Variants in MARCHF1 observed in about 807,000 individuals in gnomAD.
The protein encoded by MARCHF1 is membrane associated ring-CH-type finger 1, also known as E3 ubiquitin-protein ligase MARCHF1.
In MARCHF1, 40 loss-of-function variants were observed where a neutral mutation model predicts 54.2. The ratio of observed to expected loss-of-function variants is 0.74; its 90% CI spans 0.57 to 0.96. MARCHF1 has a LOEUF of 0.96. Among genes scored for constraint, MARCHF1 ranks in the 40% least tolerant of loss-of-function variants. The pLI is 0.00. For missense variants in MARCHF1, 586 were observed against 656.5 expected, an observed-to-expected ratio of 0.89 and a Z score of 1.17; for synonymous variants, 236 against 236.3, an observed-to-expected ratio of 1.00 and a Z score of 0.01.
intron 2 of MARCHF1, among the ~76,000 whole-genome samples, chr4:164,073,170 T>A (rs1054856842): frequency 6.6e-6 from 1 of 152,204 alleles, no homozygotes; most frequent in African/African-American, 2.4e-5. Flanking sequence ...GCTGAGTTGA[T>A]GAACAGGCAG....
At chr4:164,040,527 GAT>G (rs1386361849) in intron 2 of MARCHF1, among the ~76,000 whole-genome samples, 4 of 150,214 alleles carry the variant, frequency 2.7e-5, no homozygotes, top group African/African-American at 9.7e-5. Context: ...AATTTAAAAA[GAT>G]AAAGTTTTTT....
intron 3 of MARCHF1, among the ~76,000 whole-genome samples, chr4:163,931,443 G>A (rs1264759024): frequency 6.6e-6 from 1 of 152,010 alleles, no homozygotes; most frequent in African/African-American, 2.4e-5. Flanking sequence ...CTGATGAATG[G>A]GATTAGTGCC....
At chr4:164,261,598 T>C (rs1337991628) in intron 1 of MARCHF1, among the ~76,000 whole-genome samples, 1 of 152,130 alleles carries the variant, frequency 6.6e-6, no homozygotes, top group Non-Finnish European at 1.5e-5. Flanking sequence ...TCCTTAATCA[T>C]CCTGAGGTTA....
intron 2 of MARCHF1, among the ~76,000 whole-genome samples, chr4:164,019,061 AC>A (rs1320504668): frequency 6.6e-6 from 1 of 152,180 alleles, no homozygotes; most frequent in Non-Finnish European, 1.5e-5. Context: ...AACATAGACT[AC>A]ATTTTGGTCT....
intron 1 of MARCHF1, among the ~76,000 whole-genome samples, chr4:164,179,062 G>C (rs970837079): frequency 2.0e-5 from 3 of 152,124 alleles, no homozygotes; most frequent in African/African-American, 7.2e-5. Flanking sequence ...TGTGGTTGTG[G>C]GATGAGACTA....
chr4:164,013,392 C>T (rs1052129846), intron 2 of MARCHF1, among the ~76,000 whole-genome samples: 10 of 151,740 alleles, frequency 6.6e-5, no homozygotes, highest in African/African-American at 2.4e-4. Flanking sequence ...TAAAGAATGC[C>T]TAAAAAAATC....
intron 8 of MARCHF1, among the ~76,000 whole-genome samples, chr4:163,545,947 A>ATGTGTGTGTGTG (rs70948653): frequency 1.2e-4 from 18 of 149,050 alleles, no homozygotes; most frequent in African/African-American, 3.5e-4. Flanking sequence ...TTAAATACAT[A>ATGTGTGTGTGTG]TGTGTGTGTG....
At chr4:163,969,067 G>A (rs1752499164) in intron 3 of MARCHF1, among the ~76,000 whole-genome samples, 1 of 152,166 alleles carries the variant, frequency 6.6e-6, no homozygotes, top group Non-Finnish European at 1.5e-5. Flanking sequence ...CAGATACACA[G>A]TAAGGTGAGT....
At chr4:164,315,663 TGAA>T (rs1734978048) in intron 1 of MARCHF1, among the ~76,000 whole-genome samples, 1 of 152,196 alleles carries the variant, frequency 6.6e-6, no homozygotes, top group African/African-American at 2.4e-5. Flanking sequence ...ATCAGAAAGC[TGAA>T]GGCTTCAGTC....
chr4:164,286,881 G>A (rs368572584), intron 1 of MARCHF1, among the ~76,000 whole-genome samples: 5 of 149,738 alleles, frequency 3.3e-5, no homozygotes, highest in East Asian at 2.0e-4. Flanking sequence ...TTTTGTGGGT[G>A]TGGGGAGCAA....
At chr4:164,278,361 C>T (rs866311955) in intron 1 of MARCHF1, among the ~76,000 whole-genome samples, 1 of 152,032 alleles carries the variant, frequency 6.6e-6, no homozygotes, top group African/African-American at 2.4e-5. Context: ...AGTATCCTGT[C>T]AAAGATAAGA....
chr4:164,240,269 T>C (rs1274520635), intron 1 of MARCHF1, among the ~76,000 whole-genome samples: 2 of 152,188 alleles, frequency 1.3e-5, no homozygotes, highest in Admixed American at 6.5e-5. Context: ...TAACAAACAA[T>C]CCATTAGAGG....
chr4:163,622,778 G>T (rs556977268), intron 5 of MARCHF1, among the ~76,000 whole-genome samples: 27 of 152,292 alleles, frequency 1.8e-4, no homozygotes, highest in African/African-American at 6.3e-4. Context: ...AATTTGGAAG[G>T]AACTGAACAT....
In MARCHF1 at chr4:164,166,405, C is replaced by A. The variant is rs138585158; in HGVS notation, c.-322-54743G>T. Among the ~76,000 whole-genome samples, 832 of 152,064 alleles carry A rather than the reference C, an allele frequency of 5.5e-3. 8 individuals are homozygous for A. The highest frequency in any genetic ancestry group is 0.019 in the African/African-American group (797 of 41,534). On this transcript the variant is annotated intron_variant, in intron 1 of 9. Transcript: ENST00000514618. ...TCCAAAAAAATCTTACATTAAAATG[C>A]TGAGGGTTTTTAGAAGACTTTGTAT...
intron 2 of MARCHF1, among the ~76,000 whole-genome samples, chr4:164,095,627 T>C (rs1456213045): frequency 1.3e-5 from 2 of 152,184 alleles, no homozygotes; most frequent in South Asian, 2.1e-4. Context: ...AGTTTCATTA[T>C]GAACTGTATC....
chr4:164,276,260 C>G (rs780294439), intron 1 of MARCHF1, among the ~76,000 whole-genome samples: 1 of 152,020 alleles, frequency 6.6e-6, no homozygotes, highest in Non-Finnish European at 1.5e-5. Context: ...AAGACCACTA[C>G]CTTCTTCTCT....
intron 1 of MARCHF1, among the ~76,000 whole-genome samples, chr4:164,202,215 C>T (rs1398160534): frequency 6.6e-6 from 1 of 152,200 alleles, no homozygotes; most frequent in African/African-American, 2.4e-5. Flanking sequence ...ACTGTCATTA[C>T]ATTTAGATGA....
At chr4:164,047,194 T>G (rs1754259992) in intron 2 of MARCHF1, among the ~76,000 whole-genome samples, 1 of 152,166 alleles carries the variant, frequency 6.6e-6, no homozygotes, top group South Asian at 2.1e-4. Context: ...CAGGCAATGC[T>G]TCTGAAAGCT....
intron 2 of MARCHF1, among the ~76,000 whole-genome samples, chr4:164,049,133 G>A (rs901836448): frequency 3.8e-4 from 58 of 152,192 alleles, no homozygotes; most frequent in African/African-American, 1.4e-3. Context: ...TTACAGTTCT[G>A]CGTGGCTGAG....
Sources: allele counts gnomAD v4.1 joint callset (sites outside exome capture counted in the v4.1 genomes callset), GRCh38; gene constraint gnomAD v4.1.1; transcripts MANE v1.5; gene names NCBI Gene and HGNC (gene_info 2026-07-23, HGNC 2026-07-21).